The following SH3BP2 variants were observed in gnomAD, a reference collection of about 807,000 sequenced individuals.
SH3BP2 encodes SH3 domain-binding protein 2.
SH3BP2 carries 38 observed loss-of-function variants against 56.2 expected under a neutral mutation model. The ratio of observed to expected loss-of-function variants is 0.68; its 90% CI spans 0.52 to 0.89. The LOEUF (loss-of-function observed/expected upper bound fraction) is 0.89, where lower values mean the gene tolerates loss of function less well. Among genes scored for constraint, SH3BP2 ranks in the 40% least tolerant of loss-of-function variants. The pLI is 0.00. For missense variants in SH3BP2, 748 were observed against 762.6 expected, an observed-to-expected ratio of 0.98 and a Z score of 0.23; for synonymous variants, 346 against 316.7, an observed-to-expected ratio of 1.09 and a Z score of -0.98.
At chr4:2,802,673 G>GTA (rs994383255) in intron 1 of SH3BP2, among the ~76,000 whole-genome samples, 13 of 135,426 alleles carry the variant, frequency 9.6e-5, no homozygotes, top group African/African-American at 1.6e-4. Flanking sequence ...GTGTGTGTGT[G>GTA]TATATATATA....
At chr4:2,820,949 G>A (rs936357922) in intron 2 of SH3BP2, among the ~76,000 whole-genome samples, 196 bp downstream of exon 2, 11 of 152,164 alleles carry the variant, frequency 7.2e-5, no homozygotes, top group Admixed American at 3.3e-4. Flanking sequence ...AGCAGGGTCC[G>A]GGGTGGTGCA....
At chr4:2,827,384 T>A in intron 6 of SH3BP2, 66 bp downstream of exon 6, 1 of 1,437,284 alleles carries the variant, frequency 7.0e-7, no homozygotes, top group Non-Finnish European at 9.8e-7. Flanking sequence ...TTGGCCGCTG[T>A]GGAGGAGAGG....
Position 2,831,493 on chromosome 4 carries a change from A to G in SH3BP2, c.1242-78A>G. On this transcript the variant is annotated intron_variant, in intron 8 of 12. Coordinates refer to ENST00000503393, the MANE Select transcript of SH3BP2 (RefSeq NM_001122681.2). This position sits in a 1 kb window ranked among gnomAD's most constrained non-coding sequence, Gnocchi z 4.1. ...CTTGCCGTCCTCACACAGAGGGTGG[A>G]GTGGGGAGGGGAGCAGAGGGTGGCC... is the stretch of plus-strand genomic sequence containing the variant. 1 of 1,038,826 alleles carries G rather than the reference A, an allele frequency of 9.6e-7. No individual in the cohort carries two copies. Among genetic ancestry groups the G allele is most frequent in the Non-Finnish European group, 1.5e-6 (1 of 679,592 alleles). 64.4% of individuals were successfully genotyped at this position (1,038,826 alleles called of 1,614,324 possible). A position where few individuals can be genotyped will look rare whatever the true frequency, so the allele number is the denominator to read the frequency against.
chr4:2,837,080 C>T lies in SH3BP2; in HGVS notation c.*3246C>T, dbSNP rs968988309. 6.6e-6 allele frequency: 1 copy of T among 152,188 alleles called. No individual in the cohort carries two copies. The highest frequency in any genetic ancestry group is 1.5e-5 in the Non-Finnish European group (1 of 68,062). 9.4% of individuals were successfully genotyped at this position (152,188 alleles called of 1,614,324 possible). ...TTTTTTTTTGGGACACAGTCTCACT[C>T]TGTCGCCCAGGCTAGAGTGGATTGG... On this transcript the variant is annotated 3_prime_UTR_variant, in exon 13 of 13. Transcript: ENST00000503393.
intron 7 of SH3BP2, among the ~76,000 whole-genome samples, chr4:2,828,730 C>A (rs1235208246): frequency 6.6e-6 from 1 of 152,224 alleles, no homozygotes; most frequent in African/African-American, 2.4e-5. Flanking sequence ...CCCTCTGTAC[C>A]CCCTTCATCC....
chr4:2,805,725 A>G (rs987882516), intron 1 of SH3BP2, among the ~76,000 whole-genome samples: 3 of 152,104 alleles, frequency 2.0e-5, no homozygotes, highest in Non-Finnish European at 4.4e-5. Flanking sequence ...CCTGCCGTGG[A>G]CTGAGCCTGT....
In SH3BP2 at chr4:2,829,052, C is replaced by G. The variant is rs929468473; in HGVS notation, c.587-441C>G. Among the ~76,000 whole-genome samples the G allele has an allele frequency of 1.3e-5, 2 of 152,202 alleles. No individual in the cohort carries two copies. The highest frequency in any genetic ancestry group is 4.8e-5 in the African/African-American group (2 of 41,440). On this transcript the variant is annotated intron_variant, in intron 7 of 12. Transcript: ENST00000503393. The surrounding 1 kb of genome is among the most constrained non-coding windows in gnomAD (Gnocchi z 4.9). ...CACACATTCCCTGACCCCGCATCCC[C>G]TGGCATCTCCCAGCTTTCTGGATAT...
intron 1 of SH3BP2, among the ~76,000 whole-genome samples, chr4:2,805,434 A>G (rs866629069): frequency 2.6e-5 from 4 of 151,970 alleles, no homozygotes; most frequent in Admixed American, 2.0e-4. Context: ...GGCTGGCCAG[A>G]TGGTGTAATT....
chr4:2,831,742 A>G lies in SH3BP2; in HGVS notation c.1350+63A>G, dbSNP rs1724997776. 1.4e-6 allele frequency: 2 copies of G among 1,457,028 alleles called. No individual in the cohort carries two copies. Among genetic ancestry groups the G allele is most frequent in the South Asian group, 2.4e-5 (2 of 83,372 alleles). 90.3% of individuals were successfully genotyped at this position (1,457,028 alleles called of 1,614,324 possible). Reference sequence around the variant, plus strand: ...TAGGTGGACAGGTGGTGGGAAAGCCATAGGCCAGGGCGGCCCCTCACAGAC... The same window carrying G: ...TAGGTGGACAGGTGGTGGGAAAGCCGTAGGCCAGGGCGGCCCCTCACAGAC... On this transcript the variant is annotated intron_variant, in intron 9 of 12. Transcript: ENST00000503393. This position sits in a 1 kb window ranked among gnomAD's most constrained non-coding sequence, Gnocchi z 4.1.
In SH3BP2 at chr4:2,833,001, G is replaced by A. The variant is rs2108742910; in HGVS notation, c.1500G>A (p.Val500=). 6 of 1,614,214 alleles carry A rather than the reference G, an allele frequency of 3.7e-6. No individual in the cohort carries two copies. Among genetic ancestry groups the A allele is most frequent in the Non-Finnish European group, 5.1e-6 (6 of 1,180,034 alleles). Residue 500 remains valine (V), a synonymous_variant, in exon 12 of 13, where the codon GTG becomes GTA. Coordinates refer to ENST00000503393, the MANE Select transcript of SH3BP2 (RefSeq NM_001122681.2). ...SSTKSGKVLV[V]WDETSNKVRN... ...CTTCCGTCCTGTAGGTCCTGGTTGT[G>A]TGGGACGAAACCTCTAACAAAGTGA...
At position 2,825,448 on chromosome 4, in the gene SH3BP2, GCACA is replaced by G. The variant is rs530703308; in HGVS notation, c.428+259_428+262del. Among the ~76,000 whole-genome samples the G allele has an allele frequency of 8.4e-4, 121 of 144,212 alleles. 1 individual carries two copies. Among genetic ancestry groups the G allele is most frequent in the Non-Finnish European group, 1.3e-3 (85 of 63,168 alleles). The allele number at this position is 144,212 out of a possible 152,430, so 94.6% of individuals were successfully genotyped here. On this transcript the variant is annotated intron_variant, in intron 5 of 12. Transcript: ENST00000503393. ...ACAAACACAAGCAACACGCGGACAT[GCACA>G]CACACAGAGCAACACGTGGACATGC...
At chr4:2,830,249 C>A in intron 8 of SH3BP2, 102 bp downstream of exon 8, 1 of 1,159,752 alleles carries the variant, frequency 8.6e-7, no homozygotes, top group Non-Finnish European at 1.2e-6. Flanking sequence ...GCACTCTTAG[C>A]CCACGACGGG....
At chr4:2,802,865 G>A (rs983082091) in intron 1 of SH3BP2, among the ~76,000 whole-genome samples, 15 of 152,284 alleles carry the variant, frequency 9.9e-5, no homozygotes, top group African/African-American at 3.4e-4. Flanking sequence ...TGTGGCACCC[G>A]CTGACAGATG....
In SH3BP2 at chr4:2,831,829, C is replaced by A; in HGVS notation, c.1351-94C>A. 1 of 1,451,652 alleles carries A rather than the reference C, an allele frequency of 6.9e-7. No individual in the cohort carries two copies. Among genetic ancestry groups the A allele is most frequent in the Non-Finnish European group, 9.5e-7 (1 of 1,047,730 alleles). The allele number at this position is 1,451,652 out of a possible 1,614,324, so 89.9% of individuals were successfully genotyped here. On this transcript the variant is annotated intron_variant, in intron 9 of 12. Coordinates refer to ENST00000503393, the MANE Select transcript of SH3BP2 (RefSeq NM_001122681.2). This position sits in a 1 kb window ranked among gnomAD's most constrained non-coding sequence, Gnocchi z 4.1. ...TAGGGGGACACAGCACCATGTAAAG[C>A]CCCGGATCCCGGCACCGGGTGGCCA...
chr4:2,816,339 C>T (rs1440620239), intron 1 of SH3BP2, among the ~76,000 whole-genome samples: 3 of 152,258 alleles, frequency 2.0e-5, no homozygotes, highest in African/African-American at 7.2e-5. Context: ...CTGCGCATGG[C>T]TATTCTAATA....
Position 2,827,661 on chromosome 4 carries a change from C to T in SH3BP2, c.573C>T (p.Pro191=), listed in dbSNP as rs755387801. 24 of 1,344,288 alleles carry T rather than the reference C, an allele frequency of 1.8e-5. No homozygotes were observed. Among genetic ancestry groups the T allele is most frequent in the Middle Eastern group, 2.0e-4 (1 of 5,126 alleles). 83.3% of individuals were successfully genotyped at this position (1,344,288 alleles called of 1,614,324 possible). A position where few individuals can be genotyped will look rare whatever the true frequency, so the allele number is the denominator to read the frequency against. ...ACCTGGAGCCTGACTCCCCGGAGCC[C>T]GGAAGGCTTGAGGGTAGGTGGGGCG... ...DSYLEPDSPE[P]GRLEDALMHP... The change falls in exon 7 of 13, where the codon CCC becomes CCT. Residue 191 remains proline, a synonymous_variant. Coordinates refer to ENST00000503393, the MANE Select transcript of SH3BP2 (RefSeq NM_001122681.2).
chr4:2,826,794 G>C, intron 5 of SH3BP2: 2 of 395,900 alleles, frequency 5.1e-6, no homozygotes, highest in Non-Finnish European at 1.0e-5. Context: ...GTCTGTGTGT[G>C]AACATGTGTG....
chr4:2,818,533 C>A, intron 1 of SH3BP2: 1 of 525,448 alleles, frequency 1.9e-6, no homozygotes, highest in Non-Finnish European at 2.6e-6. Context: ...GGAACAAAGG[C>A]GGGCGTGGAC....
chr4:2,825,144 C>T lies in SH3BP2; in HGVS notation c.376C>T (p.Arg126Cys), dbSNP rs776243893. Residue 126 changes from arginine to cysteine, a missense_variant, in exon 5 of 13, where the codon CGC (arginine) becomes TGC (cysteine). Physicochemically the swap from Arg to Cys is radical, Grantham distance 180. Transcript: ENST00000503393. Reference protein sequence around the residue: ...EERKSWMALLRREIGHFHEKK... With the variant: ...EERKSWMALLCREIGHFHEKK... ...CCTGCAGAGCTGGATGGCCTTGCTG[C>T]GCAGGGAGATTGGCCACTTCCACGA... 122 of 1,579,144 alleles carry T rather than the reference C, an allele frequency of 7.7e-5. No individual in the cohort carries two copies. Among genetic ancestry groups the T allele is most frequent in the East Asian group, 1.6e-4 (7 of 42,744 alleles).
Sources: gnomAD v4.1 joint callset for allele counts (sites outside exome capture counted in the v4.1 genomes callset) on GRCh38, gnomAD v4.1.1 for gene constraint, Gnocchi (gnomAD v3.1) non-coding constraint, MANE v1.5 for transcripts, NCBI Gene and HGNC (gene_info 2026-07-23, HGNC 2026-07-21) for gene names.